DYNC1H1: variants seen among roughly 807,000 people sequenced by gnomAD.
DYNC1H1 encodes cytoplasmic dynein 1 heavy chain 1.
A neutral mutation model predicts 527.1 loss-of-function variants in DYNC1H1; 51 were observed. That is an observed-to-expected ratio of 0.10 (90% CI 0.08 to 0.12). The LOEUF (loss-of-function observed/expected upper bound fraction) is 0.12. Ranked by LOEUF, DYNC1H1 falls within the 10% of genes least tolerant of loss-of-function variation. The probability of loss-of-function intolerance (pLI) is 1.00; values close to 1 mark genes in which losing one functional copy is unlikely to be tolerated. For synonymous variants in DYNC1H1, 2,189 were observed against 2,278.8 expected, an observed-to-expected ratio of 0.96 and a Z score of 1.12; for missense variants, 2,771 against 5,971.8, an observed-to-expected ratio of 0.46 and a Z score of 17.66.
intron 16 of DYNC1H1, among the ~76,000 whole-genome samples, chr14:101,998,154 C>T (rs2048085313): frequency 6.6e-6 from 1 of 152,090 alleles, no homozygotes; most frequent in Non-Finnish European, 1.5e-5. Flanking sequence ...AATACAAATG[C>T]CTGGACCCCT....
In DYNC1H1 at chr14:102,001,137, C is replaced by A; in HGVS notation, c.4186-8C>A. ...CTGCACAGATCACTTTGTTTACTTT[C>A]TCCACAGATAAATATGCTGGTGATT... On this transcript the variant is annotated splice_region_variant and splice_polypyrimidine_tract_variant and intron_variant, in intron 19 of 77. Transcript: ENST00000360184. The surrounding 1 kb of genome is among the most constrained non-coding windows in gnomAD (Gnocchi z 5.0). 6.2e-7 allele frequency: 1 copy of A among 1,614,216 alleles called. No individual in the cohort carries two copies. Among genetic ancestry groups the A allele is most frequent in the South Asian group, 1.1e-5 (1 of 91,092 alleles).
chr14:101,982,133 A>G (rs1471868049), intron 5 of DYNC1H1, among the ~76,000 whole-genome samples: 1 of 152,136 alleles, frequency 6.6e-6, no homozygotes, highest in Non-Finnish European at 1.5e-5. Flanking sequence ...CCCTGTTGTG[A>G]ACTGCGCACG....
Position 102,015,091 on chromosome 14 carries a change from T to C in DYNC1H1, c.7015-14T>C, listed in dbSNP as rs753878203. The C allele has an allele frequency of 1.3e-5, 21 of 1,613,966 alleles. No homozygotes were observed. The Admixed American group carries it at 3.5e-4, about 27-fold the overall frequency. On this transcript the variant is annotated splice_polypyrimidine_tract_variant and intron_variant, in intron 34 of 77. Coordinates refer to ENST00000360184, the MANE Select transcript of DYNC1H1 (RefSeq NM_001376.5). The surrounding 1 kb of genome is among the most constrained non-coding windows in gnomAD (Gnocchi z 6.9). ...AACCTATGTCATTAAATCTGCTTAA[T>C]GTTTTCTTTCAAGGTGAGAATAATG...
At position 102,006,132 on chromosome 14, in the gene DYNC1H1, C is replaced by T; in HGVS notation, c.5678C>T (p.Thr1893Ile). Reference protein sequence around the residue: ...PLTDRCYLTMTQALEARLGGS... With the variant: ...PLTDRCYLTMIQALEARLGGS... ...ACTGACCGCTGCTATTTGACAATGA[C>T]ACAAGCCTTGGAGGCCAGGCTGGGG... is the stretch of plus-strand genomic sequence containing the variant. The change falls in exon 27 of 78, where the codon ACA (threonine) becomes ATA (isoleucine). Residue 1893 changes from threonine (T) to isoleucine (I), a missense_variant. Around this residue, in one of 32 missense-constraint regions of DYNC1H1, gnomAD observed 64 missense variants for 143.4 expected, o/e 0.45. Coordinates refer to ENST00000360184, the MANE Select transcript of DYNC1H1 (RefSeq NM_001376.5). 6.2e-7 allele frequency: 1 copy of T among 1,614,210 alleles called. No individual in the cohort carries two copies. The highest frequency in any genetic ancestry group is 8.5e-7 in the Non-Finnish European group (1 of 1,180,048).
chr14:102,049,058 T>C lies in DYNC1H1; in HGVS notation c.13373-382T>C. 1 of 425,728 alleles carries C rather than the reference T, an allele frequency of 2.3e-6. No individual in the cohort carries two copies. Among genetic ancestry groups the C allele is most frequent in the East Asian group, 5.2e-5 (1 of 19,124 alleles). The allele number at this position is 425,728 out of a possible 1,614,324, so 26.4% of individuals were successfully genotyped here. On this transcript the variant is annotated intron_variant, in intron 74 of 77. Coordinates refer to ENST00000360184, the MANE Select transcript of DYNC1H1 (RefSeq NM_001376.5). This position sits in a 1 kb window ranked among gnomAD's most constrained non-coding sequence, Gnocchi z 5.5. ...GGGGCAGGCGGGCATGGGGGGCTCA[T>C]CCAAAGTTGTGGGGAGCCCCCAGCA...
intron 11 of DYNC1H1, among the ~76,000 whole-genome samples, chr14:101,993,855 G>A (rs1169642130): frequency 6.6e-6 from 1 of 152,166 alleles, no homozygotes; most frequent in Non-Finnish European, 1.5e-5. Flanking sequence ...TGTGAGCAGG[G>A]ATTTTTATCT....
chr14:101,980,746 C>G (rs896851930), intron 5 of DYNC1H1, among the ~76,000 whole-genome samples, 196 bp downstream of exon 5: 3 of 152,226 alleles, frequency 2.0e-5, no homozygotes, highest in Non-Finnish European at 2.9e-5. Context: ...TTAGCTTTCC[C>G]CTTTCCCTTC....
chr14:102,007,232 C>T, intron 28 of DYNC1H1, 124 bp downstream of exon 28: 2 of 941,400 alleles, frequency 2.1e-6, no homozygotes, highest in Non-Finnish European at 3.3e-6. Context: ...ATATGGCCTC[C>T]TGAGTCCTGT....
At chr14:102,048,696 T>C (rs1475258901) in intron 74 of DYNC1H1, 27 bp downstream of exon 74, 1 of 1,610,480 alleles carries the variant, frequency 6.2e-7, no homozygotes, top group Admixed American at 1.7e-5. Context: ...ACTCGTGGTG[T>C]GGCTTCCGGC....
Position 102,032,485 on chromosome 14 carries a change from C to G in DYNC1H1, c.10079+18C>G. On this transcript the variant is annotated intron_variant, in intron 52 of 77. Transcript: ENST00000360184. ...GAGATCAGGTGAGAAAGTGGAAGTG[C>G]CAAGGTATTGCCAGAAATTGAAATC... 6.2e-7 allele frequency: 1 copy of G among 1,613,914 alleles called. No homozygotes were observed. The highest frequency in any genetic ancestry group is 8.5e-7 in the Non-Finnish European group (1 of 1,180,002).
At chr14:101,981,975 G>C (rs1446678396) in intron 5 of DYNC1H1, among the ~76,000 whole-genome samples, 1 of 152,014 alleles carries the variant, frequency 6.6e-6, no homozygotes, top group African/African-American at 2.4e-5. Flanking sequence ...ATAGAACAGG[G>C]GTCCCCAACC....
At position 102,029,759 on chromosome 14, in the gene DYNC1H1, A is replaced by T; in HGVS notation, c.9642+47A>T. Reference sequence around the variant, plus strand: ...CTCACGGGAGTGAGCTGCAGTGAGGACCCCTTTCCATATAATTTCTGCATG... The same window carrying T: ...CTCACGGGAGTGAGCTGCAGTGAGGTCCCCTTTCCATATAATTTCTGCATG... On this transcript the variant is annotated intron_variant, in intron 49 of 77. Coordinates refer to ENST00000360184, the MANE Select transcript of DYNC1H1 (RefSeq NM_001376.5). The surrounding 1 kb of genome is among the most constrained non-coding windows in gnomAD (Gnocchi z 5.3). 1 of 1,613,818 alleles carries T rather than the reference A, an allele frequency of 6.2e-7. No homozygotes were observed. The highest frequency in any genetic ancestry group is 1.7e-5 in the Admixed American group (1 of 59,952).
Position 102,050,488 on chromosome 14 carries a change from G to A in DYNC1H1, c.13866G>A (p.Val4622=), listed in dbSNP as rs781130520. The change falls in exon 78 of 78, where the codon GTG becomes GTA. Residue 4622 remains valine (V), a synonymous_variant. Coordinates refer to ENST00000360184, the MANE Select transcript of DYNC1H1 (RefSeq NM_001376.5). ...CCCGTGCAGACCTCATCTTCACCGT[G>A]GACTTCGAAATTGCTACAAAGGAGG... The part of the protein sequence containing the change: ...NFTRADLIFT[V]DFEIATKEDP... The A allele has an allele frequency of 5.6e-6, 9 of 1,614,200 alleles. No individual in the cohort carries two copies. Among genetic ancestry groups the A allele is most frequent in the South Asian group, 3.3e-5 (3 of 91,090 alleles).
intron 77 of DYNC1H1, 39 bp downstream of exon 77, chr14:102,050,237 C>A: frequency 6.2e-7 from 1 of 1,613,104 alleles, no homozygotes; most frequent in Non-Finnish European, 8.5e-7. Flanking sequence ...TCTGCAGGGA[C>A]CCCTGCGGTA....
At chr14:102,026,900 C>A (rs946228446) in intron 44 of DYNC1H1, 193 bp downstream of exon 44, 53 of 877,570 alleles carry the variant, frequency 6.0e-5, no homozygotes, top group Non-Finnish European at 8.0e-5. Flanking sequence ...GAACTTCATT[C>A]TTCCTCCCCC....
At position 102,027,870 on chromosome 14, in the gene DYNC1H1, T is replaced by C; in HGVS notation, c.9263+37T>C. ...TTTACTTGGCTCTGGGTCAGGAAAG[T>C]CGGTGTCCTTCCAAGGGACAAAGCC... On this transcript the variant is annotated intron_variant, in intron 47 of 77. Coordinates refer to ENST00000360184, the MANE Select transcript of DYNC1H1 (RefSeq NM_001376.5). This position sits in a 1 kb window ranked among gnomAD's most constrained non-coding sequence, Gnocchi z 7.7. 6.2e-7 allele frequency: 1 copy of C among 1,614,152 alleles called. No homozygotes were observed. The highest frequency in any genetic ancestry group is 8.5e-7 in the Non-Finnish European group (1 of 1,180,024).
In DYNC1H1 at chr14:102,005,808, GT is replaced by G; in HGVS notation, c.5434-77del. On this transcript the variant is annotated intron_variant, in intron 26 of 77. Coordinates refer to ENST00000360184, the MANE Select transcript of DYNC1H1 (RefSeq NM_001376.5). This position sits in a 1 kb window ranked among gnomAD's most constrained non-coding sequence, Gnocchi z 4.0. ...AACTGGACCTAGAACCTCAATTTCA[GT>G]TTAACAGTCCACAAACCCGGAGAAT... is the stretch of plus-strand genomic sequence containing the variant. The G allele has an allele frequency of 6.3e-7, 1 of 1,579,080 alleles. No homozygotes were observed. The highest frequency in any genetic ancestry group is 2.2e-5 in the East Asian group (1 of 44,684).
chr14:101,986,717 C>A lies in DYNC1H1; in HGVS notation c.2492C>A (p.Pro831Gln), dbSNP rs758088144. ...GTGTGGGAGTCCTACAAACTTGACC[C>A]ATATGTACAGCGCTTAGCAGAGACT... ...ALVWESYKLD[P>Q]YVQRLAETVF... Residue 831 changes from proline to glutamine, a missense_variant, in exon 8 of 78, where the codon CCA (proline) becomes CAA (glutamine). Pro to Gln is a moderately conservative substitution (Grantham distance 76). Around this residue, in one of 32 missense-constraint regions of DYNC1H1, gnomAD observed 179 missense variants for 349.4 expected, o/e 0.51. Coordinates refer to ENST00000360184, the MANE Select transcript of DYNC1H1 (RefSeq NM_001376.5). The surrounding 1 kb of genome is among the most constrained non-coding windows in gnomAD (Gnocchi z 8.7). 6.2e-7 allele frequency: 1 copy of A among 1,614,082 alleles called. No individual in the cohort carries two copies. The highest frequency in any genetic ancestry group is 1.3e-5 in the African/African-American group (1 of 74,926).
At position 102,033,153 on chromosome 14, in the gene DYNC1H1, G is replaced by C; in HGVS notation, c.10168G>C (p.Gly3390Arg). The change falls in exon 53 of 78, where the codon GGC (glycine) becomes CGC (arginine). Residue 3390 changes from glycine (G) to arginine (R), a missense_variant. Physicochemically the swap from Gly to Arg is moderately radical, Grantham distance 125. This residue lies in a region of DYNC1H1 where 283 missense variants were observed against 737.6 expected (regional missense o/e 0.38). Coordinates refer to ENST00000360184, the MANE Select transcript of DYNC1H1 (RefSeq NM_001376.5). This position sits in a 1 kb window ranked among gnomAD's most constrained non-coding sequence, Gnocchi z 5.6. Reference protein sequence around the residue: ...EIVNRASLACGPMVKWAIAQL... With the variant: ...EIVNRASLACRPMVKWAIAQL... Reference sequence around the variant, plus strand: ...TGTGAATCGGGCTTCCCTGGCTTGCGGCCCTATGGTGAAATGGGCAATTGC... The same window carrying C: ...TGTGAATCGGGCTTCCCTGGCTTGCCGCCCTATGGTGAAATGGGCAATTGC... 6.2e-7 allele frequency: 1 copy of C among 1,614,150 alleles called. No individual in the cohort carries two copies. Among genetic ancestry groups the C allele is most frequent in the Non-Finnish European group, 8.5e-7 (1 of 1,180,028 alleles).
Sources: gnomAD v4.1 joint callset for allele counts (sites outside exome capture counted in the v4.1 genomes callset) on GRCh38, gnomAD v4.1.1 for gene constraint, gnomAD v4.1.1 regional missense constraint, Gnocchi (gnomAD v3.1) non-coding constraint, MANE v1.5 for transcripts, NCBI Gene and HGNC (gene_info 2026-07-23, HGNC 2026-07-21) for gene names.